The following PDSS1 variants were observed in gnomAD, a reference collection of about 807,000 sequenced individuals.
PDSS1 encodes the protein decaprenyl diphosphate synthase subunit 1, also known as all trans-polyprenyl-diphosphate synthase PDSS1.
Under a neutral mutation model 57.5 loss-of-function variants are expected in PDSS1, and 43 were observed. The ratio of observed to expected loss-of-function variants is 0.75; its 90% confidence interval spans 0.59 to 0.96. The LOEUF (loss-of-function observed/expected upper bound fraction) is 0.96, where lower values mean the gene tolerates loss of function less well. PDSS1 is among the 50% of genes least tolerant of loss of function. The probability of loss-of-function intolerance (pLI) is 0.00; values close to 1 mark genes in which losing one functional copy is unlikely to be tolerated. For missense variants in PDSS1, 438 were observed against 527.8 expected (o/e 0.83, Z 1.67); for synonymous variants, 175 against 191.3 (o/e 0.91, Z 0.70).
intron 5 of PDSS1, among the ~76,000 whole-genome samples, chr10:26,717,031 C>T (rs1160153818): frequency 6.6e-6 from 1 of 152,146 alleles, no homozygotes; most frequent in African/African-American, 2.4e-5. Context: ...TATGGATAAG[C>T]AGTGGCAGCA....
Position 26,746,362 on chromosome 10 carries a change from C to G in PDSS1, c.1137C>G (p.Leu379=). The change falls in exon 12 of 12, where the codon CTC becomes CTG. Residue 379 remains leucine, a synonymous_variant. Coordinates refer to ENST00000376215, the MANE Select transcript of PDSS1 (RefSeq NM_014317.5). Reference sequence around the variant, plus strand: ...ATGGTGTGCAACAAACAACCTACCTCGCCCAGCAGTACTGCCATGAAGCAA... The same window carrying G: ...ATGGTGTGCAACAAACAACCTACCTGGCCCAGCAGTACTGCCATGAAGCAA... ...QSDGVQQTTY[L]AQQYCHEAIR... 6 of 1,614,082 alleles carry G rather than the reference C, an allele frequency of 3.7e-6. No individual in the cohort carries two copies. Among genetic ancestry groups the G allele is most frequent in the Non-Finnish European group, 4.2e-6 (5 of 1,179,944 alleles).
intron 6 of PDSS1, 62 bp from the exon 7 acceptor site, chr10:26,723,744 A>T (rs1835860472): frequency 1.8e-6 from 2 of 1,140,758 alleles, no homozygotes; most frequent in Admixed American, 1.7e-5. Flanking sequence ...CAGTTTCATC[A>T]TTGGCTCTAC....
intron 8 of PDSS1, among the ~76,000 whole-genome samples, chr10:26,724,739 A>C (rs1835899018): frequency 6.6e-6 from 1 of 151,930 alleles, no homozygotes; most frequent in African/African-American, 2.4e-5. Context: ...CATCACACCC[A>C]GCTAATTTTT....
At chr10:26,725,439 A>G (rs1835918479) in intron 8 of PDSS1, among the ~76,000 whole-genome samples, 1 of 152,246 alleles carries the variant, frequency 6.6e-6, no homozygotes, top group Non-Finnish European at 1.5e-5. Flanking sequence ...TATGTAGAAC[A>G]TGCTAGCCAC....
At chr10:26,704,552 A>C in intron 2 of PDSS1, 125 bp from the exon 3 acceptor site, 2 of 641,436 alleles carry the variant, frequency 3.1e-6, no homozygotes, top group Non-Finnish European at 5.6e-6. Flanking sequence ...CTTCCTCTAA[A>C]GTTTGCAATC....
chr10:26,701,740 C>T (rs1835056633), intron 1 of PDSS1: 22 of 448,548 alleles, frequency 4.9e-5, no homozygotes, highest in South Asian at 3.5e-4. Context: ...GTTGCAGCCC[C>T]CACACGGAGT....
intron 6 of PDSS1, among the ~76,000 whole-genome samples, chr10:26,721,094 T>C (rs1469108968): frequency 7.2e-5 from 11 of 151,940 alleles, no homozygotes; most frequent in Admixed American, 7.2e-4. Flanking sequence ...TCACCTGAGG[T>C]CAGGAGTTCG....
At chr10:26,697,884 G>A in intron 1 of PDSS1, 44 bp downstream of exon 1, 2 of 1,254,716 alleles carry the variant, frequency 1.6e-6, no homozygotes, top group South Asian at 2.7e-5. Context: ...AGAGGTCACG[G>A]CTCCAATGAC....
chr10:26,739,911 C>T (rs918847419), intron 10 of PDSS1, among the ~76,000 whole-genome samples: 4 of 152,058 alleles, frequency 2.6e-5, no homozygotes, highest in Admixed American at 6.6e-5. Context: ...TTTGGGAGGC[C>T]GAGGTGGGCA....
intron 8 of PDSS1, among the ~76,000 whole-genome samples, chr10:26,725,787 T>C (rs1466835500): frequency 6.6e-6 from 1 of 152,180 alleles, no homozygotes; most frequent in East Asian, 1.9e-4. Context: ...CTTAGAAGCA[T>C]TAGCATGGTC....
chr10:26,706,379 T>C (rs982021178), intron 4 of PDSS1, among the ~76,000 whole-genome samples: 1 of 152,202 alleles, frequency 6.6e-6, no homozygotes, highest in Non-Finnish European at 1.5e-5. Context: ...GAGGAAGAAC[T>C]CCTTCAGCTC....
At position 26,729,186 on chromosome 10, in the gene PDSS1, C is replaced by T. The variant is rs185922713; in HGVS notation, c.831+5063C>T. Among the ~76,000 whole-genome samples, 230 of 152,198 alleles carry T rather than the reference C, an allele frequency of 1.5e-3. 1 individual carries two copies. Among genetic ancestry groups the T allele is most frequent in the African/African-American group, 5.4e-3 (223 of 41,518 alleles). The stretch of plus-strand genomic sequence containing the variant: ...TTTAACCTGGCTCTGTGTCCTCCAT[C>T]ATTTTTTCAGCACCCCATTTCTGGC... On this transcript the variant is annotated intron_variant, in intron 8 of 11. Coordinates refer to ENST00000376215, the MANE Select transcript of PDSS1 (RefSeq NM_014317.5).
chr10:26,720,393 A>C, intron 6 of PDSS1, 34 bp downstream of exon 6: 1 of 1,377,370 alleles, frequency 7.3e-7, no homozygotes, highest in Non-Finnish European at 1.0e-6. Context: ...AATCTCTCTT[A>C]CTGAATCACA....
In PDSS1 at chr10:26,712,413, G is replaced by A. The variant is rs770468174; in HGVS notation, c.467+2645G>A. Among the ~76,000 whole-genome samples the A allele has an allele frequency of 1.2e-4, 12 of 100,038 alleles. 4 individuals are homozygous for A. The highest frequency in any genetic ancestry group is 6.0e-4 in the Admixed American group (5 of 8,356). 65.6% of individuals were successfully genotyped at this position (100,038 alleles called of 152,430 possible). ...TAGTTTAAATAGTAAGTTCACTACT[G>A]CCCTCTCCAGGGAATGTCAGAGCTG... On this transcript the variant is annotated intron_variant, in intron 5 of 11. Coordinates refer to ENST00000376215, the MANE Select transcript of PDSS1 (RefSeq NM_014317.5).
intron 5 of PDSS1, among the ~76,000 whole-genome samples, chr10:26,717,300 C>G (rs990174152): frequency 3.3e-5 from 5 of 152,178 alleles, no homozygotes; most frequent in African/African-American, 1.2e-4. Flanking sequence ...GTGCAAGTCT[C>G]AGCTCACTGC....
At chr10:26,707,921 C>A (rs892041309) in intron 4 of PDSS1, among the ~76,000 whole-genome samples, 1 of 152,218 alleles carries the variant, frequency 6.6e-6, no homozygotes, top group Admixed American at 6.5e-5. Context: ...CTCTCCTTCC[C>A]CTCTATGTCC....
rs370611648 is a variant in PDSS1 at position 26,713,809 on chromosome 10, C to A, written c.467+4041C>A. ...GCACGACTCTGCCCCAGCTGCTGTA[C>A]CAGGTATGGTTGGTACCTGTTGGCC... On this transcript the variant is annotated intron_variant, in intron 5 of 11. Coordinates refer to ENST00000376215, the MANE Select transcript of PDSS1 (RefSeq NM_014317.5). Among the ~76,000 whole-genome samples, 3 of 152,298 alleles carry A rather than the reference C, an allele frequency of 2.0e-5. No homozygotes were observed. The East Asian group carries it at 5.8e-4, about 29-fold the overall frequency.
intron 5 of PDSS1, among the ~76,000 whole-genome samples, chr10:26,712,955 T>G (rs1835442709): frequency 1.0e-5 from 1 of 96,910 alleles, no homozygotes; most frequent in African/African-American, 3.3e-5. Flanking sequence ...TGCTGTGTTT[T>G]TTTGTTTTTT....
intron 8 of PDSS1, among the ~76,000 whole-genome samples, chr10:26,724,459 T>A (rs1247527297): frequency 1.3e-5 from 2 of 152,188 alleles, no homozygotes. Context: ...TCACACACAC[T>A]CTTTCTGACA....
Sources: gnomAD v4.1 joint callset for allele counts (sites outside exome capture counted in the v4.1 genomes callset) on GRCh38, gnomAD v4.1.1 for gene constraint, MANE v1.5 for transcripts, NCBI Gene and HGNC (gene_info 2026-07-23, HGNC 2026-07-21) for gene names.